EYS: variants seen among roughly 807,000 people sequenced by gnomAD.
The protein encoded by EYS is EGF-like photoreceptor maintenance factor.
Under a neutral mutation model 282.1 loss-of-function variants are expected in EYS, and 250 were observed. The ratio of observed to expected loss-of-function variants is 0.89; its 90% confidence interval spans 0.80 to 0.98. The LOEUF is 0.98. Ranked by LOEUF, EYS falls within the 50% of genes least tolerant of loss-of-function variation. EYS has a pLI of 0.00. For missense variants in EYS, 4,016 were observed against 3,709.0 expected (o/e 1.08, Z -2.15); for synonymous variants, 1,355 against 1,282.9 (o/e 1.06, Z -1.20).
intron 1 of EYS, among the ~76,000 whole-genome samples, chr6:65,678,643 T>C (rs1768710914): frequency 6.6e-6 from 1 of 150,922 alleles, no homozygotes; most frequent in South Asian, 2.1e-4. Context: ...CACAGCAAAG[T>C]AAAAAATCAA....
intron 13 of EYS, among the ~76,000 whole-genome samples, chr6:65,015,123 A>G (rs1056943867): frequency 2.6e-5 from 4 of 152,200 alleles, no homozygotes; most frequent in Admixed American, 2.0e-4. Flanking sequence ...ACCTCATTTT[A>G]GACTTTGGCC....
chr6:64,805,364 G>A (rs551002800), intron 22 of EYS, among the ~76,000 whole-genome samples: 53 of 151,908 alleles, frequency 3.5e-4, no homozygotes, highest in Middle Eastern at 3.4e-3. Context: ...TCTGTTACTC[G>A]TTTAAATTTT....
intron 22 of EYS, among the ~76,000 whole-genome samples, chr6:64,753,544 AG>A (rs768247922): frequency 8.6e-5 from 13 of 151,716 alleles, no homozygotes; most frequent in Admixed American, 2.0e-4. Context: ...ATAATGATAC[AG>A]GGTTCAATTC....
intron 12 of EYS, among the ~76,000 whole-genome samples, chr6:65,186,282 G>A (rs886417532): frequency 6.7e-6 from 1 of 150,292 alleles, no homozygotes; most frequent in African/African-American, 2.5e-5. Context: ...CAATTTGTGA[G>A]AGTTAAAATA....
At chr6:64,884,229 A>G (rs1767012531) in intron 19 of EYS, among the ~76,000 whole-genome samples, 1 of 151,560 alleles carries the variant, frequency 6.6e-6, no homozygotes, top group Non-Finnish European at 1.5e-5. Flanking sequence ...TGAATAATAT[A>G]TTTGGTTACC....
intron 31 of EYS, among the ~76,000 whole-genome samples, chr6:64,190,698 C>A (rs532791411): frequency 5.9e-5 from 9 of 152,184 alleles, no homozygotes; most frequent in Admixed American, 6.5e-5. Flanking sequence ...GCTCCCACTG[C>A]AATTTTCTCT....
At chr6:64,165,384 A>G (rs573135561) in intron 31 of EYS, among the ~76,000 whole-genome samples, 185 of 152,192 alleles carry the variant, frequency 1.2e-3, no homozygotes, top group South Asian at 2.3e-3. Flanking sequence ...AATAAGTTTA[A>G]TGTATTAAGT....
chr6:65,019,652 G>A (rs1479647266), intron 13 of EYS, among the ~76,000 whole-genome samples: 1 of 152,104 alleles, frequency 6.6e-6, no homozygotes, highest in Non-Finnish European at 1.5e-5. Context: ...CTGTCCATTT[G>A]CCTAGCTTGC....
At chr6:65,242,200 TA>T in intron 12 of EYS, among the ~76,000 whole-genome samples, 2 of 152,236 alleles carry the variant, frequency 1.3e-5, no homozygotes, top group South Asian at 4.1e-4. Context: ...GATTTTAGTA[TA>T]TTTAGAAATT....
At chr6:64,781,189 A>C (rs1441724237) in intron 22 of EYS, among the ~76,000 whole-genome samples, 1 of 150,888 alleles carries the variant, frequency 6.6e-6, no homozygotes, top group Non-Finnish European at 1.5e-5. Context: ...TGTGAATTTC[A>C]GGTAAATAAT....
intron 22 of EYS, among the ~76,000 whole-genome samples, chr6:64,724,551 A>G (rs1443916764): frequency 6.6e-6 from 1 of 152,174 alleles, no homozygotes; most frequent in African/African-American, 2.4e-5. Context: ...ATACAATCCT[A>G]TTTTTCTATA....
intron 15 of EYS, among the ~76,000 whole-genome samples, chr6:64,931,870 C>T (rs1387760249): frequency 6.6e-6 from 1 of 152,020 alleles, no homozygotes; most frequent in Non-Finnish European, 1.5e-5. Context: ...GCAGACACTG[C>T]AGACACTGTG....
rs115343538 is a variant in EYS, at chr6:63,789,339, T to C, written c.7412-115A>G. ...GATCAGTATGGTAAGTTATAATACA[T>C]ATTTAGTCTCTAGTCAGCATTTAGG... On this transcript the variant is annotated intron_variant, in intron 37 of 42. Coordinates refer to ENST00000503581, the MANE Select transcript of EYS (RefSeq NM_001142800.2). 2.9e-3 allele frequency: 2,938 copies of C among 1,011,642 alleles called. 53 individuals are homozygous for C. In the African/African-American group the frequency reaches 0.042, roughly 15 times the overall value. 62.7% of individuals were successfully genotyped at this position (1,011,642 alleles called of 1,614,324 possible).
intron 35 of EYS, among the ~76,000 whole-genome samples, chr6:63,908,748 G>A (rs1199237387): frequency 6.6e-6 from 1 of 152,142 alleles, no homozygotes; most frequent in African/African-American, 2.4e-5. Context: ...GCTGCACCTA[G>A]CTAGAAAAGA....
At chr6:64,072,672 C>T (rs1771632572) in intron 32 of EYS, among the ~76,000 whole-genome samples, 1 of 151,800 alleles carries the variant, frequency 6.6e-6, no homozygotes. Context: ...TTCTCCACTC[C>T]CATCATTTTG....
chr6:63,777,957 T>G (rs1006293271), intron 40 of EYS, 49 bp downstream of exon 40: 10 of 1,489,056 alleles, frequency 6.7e-6, no homozygotes, highest in Non-Finnish European at 8.3e-6. Context: ...GAGTACCAGT[T>G]AGAGTGCAAA....
chr6:64,413,973 G>T (rs1031550373), intron 28 of EYS, among the ~76,000 whole-genome samples: 2 of 152,092 alleles, frequency 1.3e-5, no homozygotes, highest in Non-Finnish European at 2.9e-5. Context: ...CTATGAGAAG[G>T]CGTCATCTCT....
intron 22 of EYS, among the ~76,000 whole-genome samples, chr6:64,702,612 A>C (rs1016333282): frequency 2.0e-5 from 3 of 152,112 alleles, no homozygotes; most frequent in African/African-American, 7.2e-5. Context: ...CTGTGTAATA[A>C]CTGCTTTCAA....
intron 35 of EYS, among the ~76,000 whole-genome samples, chr6:63,932,655 T>C (rs1018317927): frequency 2.0e-5 from 3 of 152,200 alleles, no homozygotes; most frequent in Non-Finnish European, 2.9e-5. Context: ...AATAAAGGTA[T>C]AGGAAAAAAA....
Sources: allele counts gnomAD v4.1 joint callset (sites outside exome capture counted in the v4.1 genomes callset), GRCh38; gene constraint gnomAD v4.1.1; transcripts MANE v1.5; gene names NCBI Gene and HGNC (gene_info 2026-07-23, HGNC 2026-07-21).